The following BCAS3 variants were observed in gnomAD, a reference collection of about 807,000 sequenced individuals.
BCAS3 encodes the protein BCAS4/BCAS3 fusion.
BCAS3 carries 53 observed loss-of-function variants against 116.1 expected under a neutral mutation model. The observed-to-expected ratio is 0.46, with a 90% CI of 0.37 to 0.57. The LOEUF (loss-of-function observed/expected upper bound fraction) is 0.57, where lower values mean the gene tolerates loss of function less well. BCAS3 is among the 20% of genes least tolerant of loss of function. BCAS3 has a pLI of 0.00. For missense variants in BCAS3, 917 were observed against 1,165.4 expected (o/e 0.79, Z 3.10); for synonymous variants, 391 against 408.2 (o/e 0.96, Z 0.51).
chr17:60,986,145 A>G (rs1294271359), intron 14 of BCAS3, among the ~76,000 whole-genome samples: 1 of 152,212 alleles, frequency 6.6e-6, no homozygotes, highest in Non-Finnish European at 1.5e-5. Context: ...AGTTCTGTCC[A>G]TGTTGTTGCA....
intron 8 of BCAS3, among the ~76,000 whole-genome samples, chr17:60,872,969 A>G (rs2055269670): frequency 6.6e-6 from 1 of 152,122 alleles, no homozygotes; most frequent in Admixed American, 6.5e-5. Flanking sequence ...AATAGTACAG[A>G]CATTGGTAAT....
At chr17:60,982,160 A>T (rs991235549) in intron 14 of BCAS3, among the ~76,000 whole-genome samples, 2 of 150,390 alleles carry the variant, frequency 1.3e-5, no homozygotes, top group African/African-American at 2.5e-5. Flanking sequence ...TGATTTTTTT[A>T]AAATACCAAA....
At chr17:60,980,868 G>A (rs1480584206) in intron 14 of BCAS3, among the ~76,000 whole-genome samples, 1 of 151,744 alleles carries the variant, frequency 6.6e-6, no homozygotes, top group African/African-American at 2.4e-5. Context: ...TTGGAGGCAG[G>A]TTTTCACACT....
intron 7 of BCAS3, among the ~76,000 whole-genome samples, chr17:60,844,003 C>A (rs558897890): frequency 5.3e-5 from 8 of 152,192 alleles, no homozygotes; most frequent in Non-Finnish European, 1.0e-4. Context: ...GAGTTTCTCT[C>A]TTGTTGCCCA....
intron 22 of BCAS3, among the ~76,000 whole-genome samples, chr17:61,121,886 C>T (rs928632980): frequency 4.6e-5 from 7 of 152,054 alleles, no homozygotes; most frequent in South Asian, 2.1e-4. Flanking sequence ...CCTGCCACCA[C>T]GCCTGGCTAA....
chr17:61,046,852 A>G (rs1305908590), intron 19 of BCAS3, among the ~76,000 whole-genome samples: 2 of 151,980 alleles, frequency 1.3e-5, no homozygotes, highest in African/African-American at 4.8e-5. Flanking sequence ...AATTATAATA[A>G]TAGTAGACAA....
chr17:61,168,589 T>C (rs770205533), intron 22 of BCAS3, among the ~76,000 whole-genome samples: 4 of 152,198 alleles, frequency 2.6e-5, no homozygotes, highest in Non-Finnish European at 5.9e-5. Flanking sequence ...AGTTTGAGGC[T>C]TAATGGTAGA....
rs573828678 is a variant in BCAS3, at chr17:61,134,227, T to G, written c.2425+49663T>G. Among the ~76,000 whole-genome samples the G allele has an allele frequency of 4.6e-5, 7 of 152,192 alleles. No homozygotes were observed. The highest frequency in any genetic ancestry group is 8.8e-5 in the Non-Finnish European group (6 of 68,026). ...TAAAAAGAAAGGGAAGAAATACCAT[T>G]TCGTAATAAGAAGATGAGGATCAAT... On this transcript the variant is annotated intron_variant, in intron 22 of 23. Transcript: ENST00000407086. This position sits in a 1 kb window ranked among gnomAD's most constrained non-coding sequence, Gnocchi z 4.6.
At chr17:60,816,498 C>A (rs1177273471) in intron 7 of BCAS3, among the ~76,000 whole-genome samples, 1 of 152,066 alleles carries the variant, frequency 6.6e-6, no homozygotes, top group African/African-American at 2.4e-5. Context: ...TGGTCCCGAT[C>A]TCCTGACCTC....
chr17:60,738,257 T>C (rs543116090), intron 5 of BCAS3, among the ~76,000 whole-genome samples: 10 of 152,368 alleles, frequency 6.6e-5, no homozygotes, highest in Non-Finnish European at 1.2e-4. Flanking sequence ...CTATGTCCTT[T>C]TGTGCTTTTC....
intron 7 of BCAS3, among the ~76,000 whole-genome samples, chr17:60,831,734 C>T (rs1452286418): frequency 4.1e-5 from 6 of 147,468 alleles, no homozygotes; most frequent in East Asian, 2.0e-4. Context: ...GCCTCTTTGG[C>T]GGTGGGTTTT....
rs114877861 is a variant in BCAS3, at chr17:61,356,405, C to T, written c.2426-11922C>T. On this transcript the variant is annotated intron_variant, in intron 22 of 23. Coordinates refer to ENST00000407086, the MANE Select transcript of BCAS3 (RefSeq NM_017679.5). The surrounding 1 kb of genome is among the most constrained non-coding windows in gnomAD (Gnocchi z 5.4). ...AAACAGAAGAGTAAAGGGTCTCTGG[C>T]GTCCAGTCTGGGAATGCCAGCTTCA... is the stretch of plus-strand genomic sequence containing the variant. Among the ~76,000 whole-genome samples, 144 of 152,298 alleles carry T rather than the reference C, an allele frequency of 9.5e-4. No homozygotes were observed. The highest frequency in any genetic ancestry group is 3.0e-3 in the African/African-American group (126 of 41,556).
intron 22 of BCAS3, among the ~76,000 whole-genome samples, chr17:61,292,103 A>G (rs1375006291): frequency 6.6e-6 from 1 of 152,106 alleles, no homozygotes; most frequent in Non-Finnish European, 1.5e-5. Flanking sequence ...AGATCCTAGA[A>G]GACTTGCCAC....
chr17:61,026,201 G>A lies in BCAS3; in HGVS notation c.1638-8465G>A, dbSNP rs750507368. Among the ~76,000 whole-genome samples the A allele has an allele frequency of 2.2e-4, 34 of 152,104 alleles. No individual in the cohort carries two copies. The highest frequency in any genetic ancestry group is 3.1e-4 in the Non-Finnish European group (21 of 67,932). ...AGTGATTGTAGCTTTAGTTTGCTGC[G>A]TACTAACCTAATCTAGTGCAGACCA... On this transcript the variant is annotated intron_variant, in intron 16 of 23. Coordinates refer to ENST00000407086, the MANE Select transcript of BCAS3 (RefSeq NM_017679.5). This position sits in a 1 kb window ranked among gnomAD's most constrained non-coding sequence, Gnocchi z 5.0.
chr17:60,804,988 A>T (rs2048140587), intron 6 of BCAS3, among the ~76,000 whole-genome samples: 1 of 151,154 alleles, frequency 6.6e-6, no homozygotes, highest in African/African-American at 2.4e-5. Flanking sequence ...TTTTCCCCCA[A>T]GCACTACCTT....
Position 61,388,965 on chromosome 17 carries a change from CAT to C in BCAS3, c.2594-3011_2594-3010del. 3.9e-6 allele frequency: 1 copy of C among 253,432 alleles called. No individual in the cohort carries two copies. The highest frequency in any genetic ancestry group is 6.5e-6 in the Non-Finnish European group (1 of 155,022). The allele number at this position is 253,432 out of a possible 1,614,324, so 15.7% of individuals were successfully genotyped here. Reference sequence around the variant, plus strand: ...CCCCACCTCCCCTTACCACATCATTCATTCATTCATTCATTCATTCATTCATT... The same window carrying C: ...CCCCACCTCCCCTTACCACATCATTCTCATTCATTCATTCATTCATTCATT... On this transcript the variant is annotated intron_variant, in intron 23 of 23. Transcript: ENST00000407086. This position sits in a 1 kb window ranked among gnomAD's most constrained non-coding sequence, Gnocchi z 6.5.
At chr17:60,824,886 C>G (rs1297562837) in intron 7 of BCAS3, among the ~76,000 whole-genome samples, 1 of 152,262 alleles carries the variant, frequency 6.6e-6, no homozygotes, top group East Asian at 1.9e-4. Flanking sequence ...ATGGGTTGGG[C>G]TGGGCGCAGT....
At chr17:61,216,868 A>T (rs1277081941) in intron 22 of BCAS3, among the ~76,000 whole-genome samples, 1 of 152,028 alleles carries the variant, frequency 6.6e-6, no homozygotes, top group African/African-American at 2.4e-5. Context: ...GTGACATGAG[A>T]TGATTTTCAA....
chr17:60,725,559 C>T (rs2039733286), intron 5 of BCAS3, among the ~76,000 whole-genome samples: 2 of 152,098 alleles, frequency 1.3e-5, no homozygotes, highest in South Asian at 4.1e-4. Flanking sequence ...TCAGTGGTTC[C>T]CGACCAGGAG....
Sources: allele counts gnomAD v4.1 joint callset (sites outside exome capture counted in the v4.1 genomes callset), GRCh38; gene constraint gnomAD v4.1.1; non-coding constraint Gnocchi (gnomAD v3.1); transcripts MANE v1.5; gene names NCBI Gene and HGNC (gene_info 2026-07-23, HGNC 2026-07-21).